SLC24A2: variants seen among roughly 807,000 people sequenced by gnomAD.
SLC24A2 encodes sodium/potassium/calcium exchanger 2.
In SLC24A2, 36 loss-of-function variants were observed where a neutral mutation model predicts 62.0. The observed-to-expected ratio is 0.58, with a 90% confidence interval of 0.44 to 0.77. The LOEUF (loss-of-function observed/expected upper bound fraction) is 0.77, where lower values mean the gene tolerates loss of function less well. Among genes scored for constraint, SLC24A2 ranks in the 30% least tolerant of loss-of-function variants. The pLI is 0.00. For missense variants in SLC24A2, 846 were observed against 817.9 expected (o/e 1.03, Z -0.42); for synonymous variants, 358 against 294.0 (o/e 1.22, Z -2.23).
At chr9:19,974,207 C>T in the SLC24A2 span, among the ~76,000 whole-genome samples, 1 of 152,130 alleles carries the variant, frequency 6.6e-6, no homozygotes, top group African/African-American at 2.4e-5. Context: ...ACAATTACTA[C>T]TATTGTAGAT....
At chr9:19,680,170 T>A (rs1401631105) in intron 2 of SLC24A2, among the ~76,000 whole-genome samples, 1 of 152,108 alleles carries the variant, frequency 6.6e-6, no homozygotes, top group African/African-American at 2.4e-5. Flanking sequence ...CACTGAGAAG[T>A]ACTGAAAGTA....
At chr9:19,973,767 C>T in the SLC24A2 span, among the ~76,000 whole-genome samples, 1 of 152,160 alleles carries the variant, frequency 6.6e-6, no homozygotes, top group Admixed American at 6.5e-5. Flanking sequence ...CTTTCAAATG[C>T]TGTGGCTATA....
chr9:20,157,833 A>G, the SLC24A2 span, among the ~76,000 whole-genome samples: 1 of 151,672 alleles, frequency 6.6e-6, no homozygotes, highest in African/African-American at 2.4e-5. Context: ...ATCATCTATT[A>G]GAGAAACTGT....
At chr9:20,217,686 G>T in the SLC24A2 span, among the ~76,000 whole-genome samples, 12 of 152,282 alleles carry the variant, frequency 7.9e-5, no homozygotes, top group Admixed American at 2.6e-4. Flanking sequence ...TCCATTTGTT[G>T]TAACAGCGCT....
At chr9:19,758,722 G>A (rs551851715) in intron 2 of SLC24A2, among the ~76,000 whole-genome samples, 3 of 152,164 alleles carry the variant, frequency 2.0e-5, no homozygotes, top group African/African-American at 7.2e-5. Flanking sequence ...AAACTTATCA[G>A]GATTGGTTTG....
chr9:19,963,933 G>T, the SLC24A2 span, among the ~76,000 whole-genome samples: 1 of 151,944 alleles, frequency 6.6e-6, no homozygotes, highest in South Asian at 2.1e-4. Flanking sequence ...TGTTTATAGC[G>T]GCACTATTCA....
chr9:19,720,694 C>CG (rs1256263383), intron 2 of SLC24A2, among the ~76,000 whole-genome samples: 1 of 76,940 alleles, frequency 1.3e-5, no homozygotes, highest in African/African-American at 4.5e-5. Flanking sequence ...TGACAACCCC[C>CG]CCCCCCAAAA....
chr9:19,635,129 T>C (rs1818278779), intron 2 of SLC24A2, among the ~76,000 whole-genome samples: 1 of 152,238 alleles, frequency 6.6e-6, no homozygotes, highest in Admixed American at 6.5e-5. Context: ...AGATGTGCTC[T>C]GGAAGTCCTC....
intron 8 of SLC24A2, among the ~76,000 whole-genome samples, chr9:19,547,363 G>T (rs886829436): frequency 6.6e-5 from 10 of 152,284 alleles, no homozygotes; most frequent in Admixed American, 2.0e-4. Context: ...GGGAGCAGTG[G>T]ACTGGGGACA....
intron 2 of SLC24A2, among the ~76,000 whole-genome samples, chr9:19,727,577 AGCATGTG>A (rs1821208436): frequency 2.0e-5 from 3 of 152,222 alleles, no homozygotes; most frequent in Admixed American, 2.0e-4. Flanking sequence ...AACAATGACT[AGCATGTG>A]GCAGACACTC....
At chr9:19,784,013 A>G (rs1823089086) in intron 2 of SLC24A2, among the ~76,000 whole-genome samples, 1 of 152,250 alleles carries the variant, frequency 6.6e-6, no homozygotes, top group Admixed American at 6.5e-5. Flanking sequence ...TAGAATTCCC[A>G]AATTTTAGAA....
At chr9:19,791,392 A>C (rs1823318965), upstream of SLC24A2, among the ~76,000 whole-genome samples, 2 of 152,202 alleles carry the variant, frequency 1.3e-5, no homozygotes, top group Non-Finnish European at 2.9e-5. Context: ...AGGGAGTGTA[A>C]ACAGTATTTC....
the SLC24A2 span, among the ~76,000 whole-genome samples, chr9:20,188,369 G>T: frequency 6.6e-6 from 1 of 152,040 alleles, no homozygotes; most frequent in Non-Finnish European, 1.5e-5. Flanking sequence ...GGTGGGTCAG[G>T]GGCACCCATT....
the SLC24A2 span, among the ~76,000 whole-genome samples, chr9:20,203,525 A>G: frequency 6.6e-6 from 1 of 152,170 alleles, no homozygotes; most frequent in Non-Finnish European, 1.5e-5. Context: ...TCTCTCCCTT[A>G]CTAACAGTCC....
At chr9:20,161,012 G>A in the SLC24A2 span, among the ~76,000 whole-genome samples, 3 of 151,198 alleles carry the variant, frequency 2.0e-5, no homozygotes, top group Non-Finnish European at 4.4e-5. Context: ...TTTAAAAAAT[G>A]AGAAAACATA....
the SLC24A2 span, among the ~76,000 whole-genome samples, chr9:20,052,976 T>G: frequency 6.6e-6 from 1 of 152,204 alleles, no homozygotes; most frequent in Non-Finnish European, 1.5e-5. Context: ...ACATATGGAT[T>G]TCATCCTCTC....
chr9:19,533,283 A>G (rs1342335441), intron 8 of SLC24A2, among the ~76,000 whole-genome samples: 1 of 152,194 alleles, frequency 6.6e-6, no homozygotes, highest in East Asian at 1.9e-4. Flanking sequence ...GCAAATATGT[A>G]TTAGTTAATT....
At chr9:19,588,233 G>A (rs1047281028) in intron 5 of SLC24A2, among the ~76,000 whole-genome samples, 1 of 143,786 alleles carries the variant, frequency 7.0e-6, no homozygotes, top group South Asian at 2.2e-4. Flanking sequence ...ATCTATTCAA[G>A]TGCCCAGAAA....
the SLC24A2 span, among the ~76,000 whole-genome samples, chr9:20,169,718 T>A: frequency 6.6e-6 from 1 of 151,326 alleles, no homozygotes; most frequent in Non-Finnish European, 1.5e-5. Context: ...ACATAGCCTA[T>A]CCAAATGAGA....
Sources: gnomAD v4.1 joint callset for allele counts (sites outside exome capture counted in the v4.1 genomes callset) on GRCh38, gnomAD v4.1.1 for gene constraint, MANE v1.5 for transcripts, NCBI Gene and HGNC (gene_info 2026-07-23, HGNC 2026-07-21) for gene names.